GPR139: variants seen among roughly 807,000 people sequenced by gnomAD.
The protein encoded by GPR139 is probable G protein-coupled receptor 139.
A neutral mutation model predicts 25.8 loss-of-function variants in GPR139; 12 were observed. The ratio of observed to expected loss-of-function variants is 0.47; its 90% CI spans 0.30 to 0.75. The LOEUF is 0.75. Ranked by LOEUF, GPR139 falls within the 30% of genes least tolerant of loss-of-function variation. GPR139 has a pLI of 0.07. For synonymous variants in GPR139, 184 were observed against 179.9 expected (o/e 1.02, Z -0.18); for missense variants, 380 against 450.2 (o/e 0.84, Z 1.41).
At chr16:20,069,082 CT>C (rs1372909506) in intron 1 of GPR139, among the ~76,000 whole-genome samples, 1 of 151,988 alleles carries the variant, frequency 6.6e-6, no homozygotes, top group Non-Finnish European at 1.5e-5. Flanking sequence ...TTGTAGTTTT[CT>C]TTTTTTGTAA....
rs201339791 is a variant in GPR139, at chr16:20,033,991, TAA to T, written c.128-1324_128-1323del. Reference sequence around the variant, plus strand: ...TATAATTTCTGATCAGTTTTTTTTTTAAAAAAAGTCTCCCTGAATTAAGCATA... The same window carrying T: ...TATAATTTCTGATCAGTTTTTTTTTTAAAAAGTCTCCCTGAATTAAGCATA... On this transcript the variant is annotated intron_variant, in intron 1 of 1. Coordinates refer to ENST00000570682, the MANE Select transcript of GPR139 (RefSeq NM_001002911.4). 2.8e-3 allele frequency among the ~76,000 whole-genome samples: 419 copies of T among 151,894 alleles called. 1 individual carries two copies. The highest frequency in any genetic ancestry group is 0.011 in the East Asian group (59 of 5,152).
intron 1 of GPR139, among the ~76,000 whole-genome samples, chr16:20,042,831 G>A (rs1178305532): frequency 6.6e-6 from 1 of 151,874 alleles, no homozygotes; most frequent in Non-Finnish European, 1.5e-5. Context: ...CCTTTATAAG[G>A]GATCATGTTT....
chr16:20,062,161 G>A (rs1438217651), intron 1 of GPR139, among the ~76,000 whole-genome samples: 2 of 152,200 alleles, frequency 1.3e-5, no homozygotes, highest in Non-Finnish European at 2.9e-5. Flanking sequence ...CCAGACTTTA[G>A]TGACTGTCCT....
At position 20,073,643 on chromosome 16, in the gene GPR139, C is replaced by T; in HGVS notation, c.-27G>A. ...AGCGCGCCCCTCGCTCCCCTTGCCGCTTCGCGCCCGGCCTGCCAGCCCGAC... is the reference window on the plus strand; with the variant it reads ...AGCGCGCCCCTCGCTCCCCTTGCCGTTTCGCGCCCGGCCTGCCAGCCCGAC... On this transcript the variant is annotated 5_prime_UTR_variant, in exon 1 of 2. Coordinates refer to ENST00000570682, the MANE Select transcript of GPR139 (RefSeq NM_001002911.4). The surrounding 1 kb of genome is among the most constrained non-coding windows in gnomAD (Gnocchi z 4.7). 3.2e-6 allele frequency: 5 copies of T among 1,542,736 alleles called. No individual in the cohort carries two copies. Among genetic ancestry groups the T allele is most frequent in the Non-Finnish European group, 4.4e-6 (5 of 1,142,500 alleles).
intron 1 of GPR139, among the ~76,000 whole-genome samples, chr16:20,050,576 G>A (rs2057368421): frequency 6.6e-6 from 1 of 152,202 alleles, no homozygotes; most frequent in Admixed American, 6.5e-5. Flanking sequence ...ATCCCCACGA[G>A]GCTTCTCTCT....
chr16:20,048,214 G>A (rs2057360385), intron 1 of GPR139, among the ~76,000 whole-genome samples: 1 of 152,222 alleles, frequency 6.6e-6, no homozygotes, highest in Admixed American at 6.5e-5. Context: ...ATCAGGTGAT[G>A]TAATCCAGGG....
chr16:20,028,684 A>G lies in GPR139; in HGVS notation c.*3051T>C, dbSNP rs1028558551. On this transcript the variant is annotated 3_prime_UTR_variant, in exon 2 of 2. Transcript: ENST00000570682. ...GTCTGTCTTTTATGGTTTGTCTGTC[A>G]TTCCCCTCATTTCCTTCCCCATGAG... is the stretch of plus-strand genomic sequence containing the variant. 3.3e-5 allele frequency among the ~76,000 whole-genome samples: 5 copies of G among 152,140 alleles called. No individual in the cohort carries two copies. Among genetic ancestry groups the G allele is most frequent in the African/African-American group, 1.2e-4 (5 of 41,434 alleles).
At chr16:20,070,882 G>C in intron 1 of GPR139, 1 of 903,730 alleles carries the variant, frequency 1.1e-6, no homozygotes, top group Non-Finnish European at 1.3e-6. Context: ...TGATGGGTGG[G>C]GACCACTGTG....
intron 1 of GPR139, among the ~76,000 whole-genome samples, chr16:20,063,322 G>C (rs149133762): frequency 6.6e-6 from 1 of 152,306 alleles, no homozygotes; most frequent in African/African-American, 2.4e-5. Context: ...TGGGCCCAAG[G>C]CCTGCTCTGT....
intron 1 of GPR139, among the ~76,000 whole-genome samples, chr16:20,034,682 G>T (rs727591): frequency 0.12 from 18,995 of 152,142 alleles, 2,228 homozygotes; most frequent in African/African-American, 0.3. Flanking sequence ...TGGGACTACA[G>T]GTGCACATCA....
intron 1 of GPR139, among the ~76,000 whole-genome samples, chr16:20,062,332 C>T (rs1267482674): frequency 6.6e-6 from 1 of 152,190 alleles, no homozygotes; most frequent in Non-Finnish European, 1.5e-5. Context: ...CTCCAGAGGG[C>T]TGTCTTCCTC....
chr16:20,044,838 G>A (rs561065160), intron 1 of GPR139, among the ~76,000 whole-genome samples: 1 of 152,208 alleles, frequency 6.6e-6, no homozygotes, highest in East Asian at 1.9e-4. Flanking sequence ...GAAAGGGTTA[G>A]GAAGTTGACT....
intron 1 of GPR139, among the ~76,000 whole-genome samples, chr16:20,066,632 G>T (rs1359263593): frequency 6.6e-6 from 1 of 152,180 alleles, no homozygotes. Flanking sequence ...AAAACAATGC[G>T]AGTTACTATT....
intron 1 of GPR139, among the ~76,000 whole-genome samples, chr16:20,049,189 A>G (rs1433375597): frequency 6.6e-6 from 1 of 152,130 alleles, no homozygotes; most frequent in African/African-American, 2.4e-5. Flanking sequence ...GCACTCCATC[A>G]ATGTTTGTGG....
rs145375317 is a variant in GPR139, at chr16:20,059,457, C to T, written c.127+14033G>A. 8.2e-3 allele frequency among the ~76,000 whole-genome samples: 1,242 copies of T among 152,258 alleles called. 21 individuals are homozygous for T. Among genetic ancestry groups the T allele is most frequent in the African/African-American group, 0.028 (1,167 of 41,536 alleles). ...TGGGTTACCCTGGCTGTTCCCTCTA[C>T]GCCTACCCTGGCTGATTCCACCTCA... is the stretch of plus-strand genomic sequence containing the variant. On this transcript the variant is annotated intron_variant, in intron 1 of 1. Coordinates refer to ENST00000570682, the MANE Select transcript of GPR139 (RefSeq NM_001002911.4).
rs2057468568 is a variant in GPR139 at position 20,073,550 on chromosome 16, A to C, written c.67T>G (p.Cys23Gly). The C allele has an allele frequency of 6.2e-7, 1 of 1,602,450 alleles. No homozygotes were observed. The highest frequency in any genetic ancestry group is 1.3e-5 in the African/African-American group (1 of 74,518). The change falls in exon 1 of 2, where the codon TGC becomes GGC. Residue 23 changes from cysteine (C) to glycine (G), a missense_variant. Physicochemically the swap from Cys to Gly is radical, Grantham distance 159. Coordinates refer to ENST00000570682, the MANE Select transcript of GPR139 (RefSeq NM_001002911.4). This position sits in a 1 kb window ranked among gnomAD's most constrained non-coding sequence, Gnocchi z 4.7. Reference sequence around the variant, plus strand: ...ACCACGGGCACGAAACCCAAGCCGCAGGCCGAGCCGGGGGACCACCAAGAC... The same window carrying C: ...ACCACGGGCACGAAACCCAAGCCGCCGGCCGAGCCGGGGGACCACCAAGAC... ...SLSWWSPGSA[C>G]GLGFVPVVYY...
At chr16:20,063,749 T>C (rs1386332292) in intron 1 of GPR139, among the ~76,000 whole-genome samples, 1 of 152,218 alleles carries the variant, frequency 6.6e-6, no homozygotes. Context: ...TTTTGCTTCC[T>C]CCTAAGAGAC....
intron 1 of GPR139, among the ~76,000 whole-genome samples, chr16:20,059,903 T>C (rs769141627): frequency 4.6e-5 from 7 of 152,084 alleles, no homozygotes; most frequent in Non-Finnish European, 8.8e-5. Flanking sequence ...CTCCATGACG[T>C]CCTCTGCCGG....
intron 1 of GPR139, among the ~76,000 whole-genome samples, chr16:20,066,244 T>C (rs536964803): frequency 2.0e-5 from 3 of 152,268 alleles, no homozygotes; most frequent in Admixed American, 6.5e-5. Flanking sequence ...TTTGCCAATA[T>C]GTTTCAGATC....
Sources: allele counts gnomAD v4.1 joint callset (sites outside exome capture counted in the v4.1 genomes callset), GRCh38; gene constraint gnomAD v4.1.1; non-coding constraint Gnocchi (gnomAD v3.1); transcripts MANE v1.5; gene names NCBI Gene and HGNC (gene_info 2026-07-23, HGNC 2026-07-21).